Variants in MACROD2 observed in about 807,000 individuals in gnomAD.
MACROD2 encodes the protein ADP-ribose glycohydrolase MACROD2.
Under a neutral mutation model 70.4 loss-of-function variants are expected in MACROD2, and 36 were observed. That is an observed-to-expected ratio of 0.51 (90% CI 0.39 to 0.68). The LOEUF is 0.68. MACROD2 is among the 30% of genes least tolerant of loss of function. MACROD2 has a pLI of 0.00. For synonymous variants in MACROD2, 172 were observed against 178.8 expected, an observed-to-expected ratio of 0.96 and a Z score of 0.30; for missense variants, 496 against 538.4, an observed-to-expected ratio of 0.92 and a Z score of 0.78.
At chr20:15,840,120 A>G (rs1439984027) in intron 8 of MACROD2, among the ~76,000 whole-genome samples, 2 of 152,316 alleles carry the variant, frequency 1.3e-5, no homozygotes, top group East Asian at 3.9e-4. Flanking sequence ...TGTGAAGTCA[A>G]ACTGCTAGAG....
At chr20:14,955,318 A>G (rs1548283) in intron 5 of MACROD2, among the ~76,000 whole-genome samples, 27,717 of 141,600 alleles carry the variant, frequency 0.2, 3,468 homozygotes, top group East Asian at 0.32. Flanking sequence ...ATTATATATA[A>G]TTTATATAAC....
chr20:14,989,551 C>G (rs1371897232), intron 5 of MACROD2, among the ~76,000 whole-genome samples: 1 of 152,110 alleles, frequency 6.6e-6, no homozygotes, highest in East Asian at 1.9e-4. Context: ...GGACTGCTAC[C>G]TTTATGGGAT....
chr20:14,056,712 G>T (rs1200472746), intron 2 of MACROD2, among the ~76,000 whole-genome samples: 9 of 151,836 alleles, frequency 5.9e-5, no homozygotes, highest in Non-Finnish European at 1.2e-4. Flanking sequence ...TGGTTTTTGA[G>T]AATTAAAATC....
intron 5 of MACROD2, among the ~76,000 whole-genome samples, chr20:14,700,482 A>G (rs970930595): frequency 9.9e-5 from 15 of 151,956 alleles, no homozygotes; most frequent in African/African-American, 3.6e-4. Flanking sequence ...GCTTAGGCAT[A>G]GATGAGTAAG....
intron 4 of MACROD2, among the ~76,000 whole-genome samples, chr20:14,507,420 A>G (rs2084980649): frequency 6.6e-6 from 1 of 152,190 alleles, no homozygotes; most frequent in Admixed American, 6.5e-5. Flanking sequence ...TAACGAATAC[A>G]AGGTTTCTGT....
chr20:14,887,815 G>T (rs1364823156), intron 5 of MACROD2, among the ~76,000 whole-genome samples: 1 of 151,300 alleles, frequency 6.6e-6, no homozygotes, highest in Non-Finnish European at 1.5e-5. Flanking sequence ...TATCACAATT[G>T]GACTTGTCTC....
chr20:15,192,898 T>C lies in MACROD2; in HGVS notation c.419-37042T>C, dbSNP rs997760057. Among the ~76,000 whole-genome samples, 14 of 152,224 alleles carry C rather than the reference T, an allele frequency of 9.2e-5. No individual in the cohort carries two copies. The East Asian group carries it at 1.3e-3, about 15-fold the overall frequency. ...AGATTTTTATAGTTTGCAATGTTCCTAACAAACTGATCTCTAACTCCGCAG... is the reference window on the plus strand; with the variant it reads ...AGATTTTTATAGTTTGCAATGTTCCCAACAAACTGATCTCTAACTCCGCAG... On this transcript the variant is annotated intron_variant, in intron 5 of 17. Coordinates refer to ENST00000684519, the MANE Select transcript of MACROD2 (RefSeq NM_001351661.2).
At chr20:16,018,224 C>G (rs1453805477) in intron 15 of MACROD2, among the ~76,000 whole-genome samples, 2 of 152,088 alleles carry the variant, frequency 1.3e-5, no homozygotes, top group African/African-American at 4.8e-5. Context: ...AGAATTAGCT[C>G]CCATAGGGAG....
At chr20:14,400,252 T>C (rs2083623918) in intron 3 of MACROD2, among the ~76,000 whole-genome samples, 1 of 152,204 alleles carries the variant, frequency 6.6e-6, no homozygotes, top group South Asian at 2.1e-4. Context: ...CTTTTAAGGT[T>C]TGTTAGACAG....
In MACROD2 at chr20:16,050,703, T is replaced by A. The variant is rs1204603445; in HGVS notation, c.*827T>A. Reference sequence around the variant, plus strand: ...ATGGCCCTTTGCTAGGTGTTACAGTTAAAAGCTAAGAAAAGGGGCAGTGCA... The same window carrying A: ...ATGGCCCTTTGCTAGGTGTTACAGTAAAAAGCTAAGAAAAGGGGCAGTGCA... On this transcript the variant is annotated 3_prime_UTR_variant, in exon 18 of 18. Coordinates refer to ENST00000684519, the MANE Select transcript of MACROD2 (RefSeq NM_001351661.2). The A allele has an allele frequency of 6.6e-6, 1 of 152,210 alleles. No individual in the cohort carries two copies. Among genetic ancestry groups the A allele is most frequent in the Non-Finnish European group, 1.5e-5 (1 of 68,046 alleles). The allele number at this position is 152,210 out of a possible 1,614,324, so 9.4% of individuals were successfully genotyped here. A position where few individuals can be genotyped will look rare whatever the true frequency, so the allele number is the denominator to read the frequency against.
intron 8 of MACROD2, among the ~76,000 whole-genome samples, chr20:15,812,533 GA>G (rs2063831958): frequency 6.6e-6 from 1 of 151,050 alleles, no homozygotes; most frequent in South Asian, 2.1e-4. Flanking sequence ...GTTGAAACAG[GA>G]AAAGGGAATC....
chr20:14,578,740 C>G (rs1980784629), intron 4 of MACROD2, among the ~76,000 whole-genome samples: 1 of 152,110 alleles, frequency 6.6e-6, no homozygotes, highest in African/African-American at 2.4e-5. Context: ...TGTATTACTT[C>G]TGAATAAAGG....
intron 5 of MACROD2, among the ~76,000 whole-genome samples, chr20:14,757,117 A>T (rs959454781): frequency 6.6e-6 from 1 of 152,156 alleles, no homozygotes; most frequent in Admixed American, 6.5e-5. Context: ...GCAAAAGATG[A>T]CATTTTTGAA....
At chr20:14,761,448 G>T (rs1184018061) in intron 5 of MACROD2, among the ~76,000 whole-genome samples, 2 of 152,062 alleles carry the variant, frequency 1.3e-5, no homozygotes, top group Non-Finnish European at 2.9e-5. Flanking sequence ...TACCCCGACT[G>T]GTGAGTGTGC....
At chr20:15,078,098 A>G (rs1342900860) in intron 5 of MACROD2, among the ~76,000 whole-genome samples, 2 of 152,186 alleles carry the variant, frequency 1.3e-5, no homozygotes, top group Admixed American at 1.3e-4. Context: ...TCTTCATAAA[A>G]AGTGAGCTTG....
chr20:14,954,719 A>AAT (rs1274520744), intron 5 of MACROD2, among the ~76,000 whole-genome samples: 1 of 32,620 alleles, frequency 3.1e-5, no homozygotes, highest in Non-Finnish European at 8.0e-5. Context: ...TAAATATATA[A>AAT]ATGTATAAAT....
chr20:14,011,335 C>G (rs752997345), intron 2 of MACROD2, among the ~76,000 whole-genome samples: 18 of 152,132 alleles, frequency 1.2e-4, no homozygotes, highest in Non-Finnish European at 2.5e-4. Flanking sequence ...GGTTAGCAGC[C>G]TTATAAATGA....
intron 5 of MACROD2, among the ~76,000 whole-genome samples, chr20:15,214,818 A>G (rs2076794942): frequency 6.6e-6 from 1 of 152,168 alleles, no homozygotes; most frequent in South Asian, 2.1e-4. Context: ...AATTCTATCA[A>G]AATACTCTAT....
chr20:15,517,820 T>C (rs534251958), intron 8 of MACROD2, among the ~76,000 whole-genome samples: 8 of 152,318 alleles, frequency 5.3e-5, no homozygotes, highest in Non-Finnish European at 1.0e-4. Flanking sequence ...GGACTCTTTT[T>C]GATAAGAGTA....
Sources: allele counts gnomAD v4.1 joint callset (sites outside exome capture counted in the v4.1 genomes callset), GRCh38; gene constraint gnomAD v4.1.1; transcripts MANE v1.5; gene names NCBI Gene and HGNC (gene_info 2026-07-23, HGNC 2026-07-21).